Variants in APP observed in about 807,000 individuals in gnomAD.
The protein encoded by APP is amyloid-beta precursor protein.
In APP, 31 loss-of-function variants were observed where a neutral mutation model predicts 101.4. The ratio of observed to expected loss-of-function variants is 0.31; its 90% CI spans 0.23 to 0.41. APP has a LOEUF of 0.41. Among genes scored for constraint, APP ranks in the 10% least tolerant of loss-of-function variants. The pLI is 1.00. For synonymous variants in APP, 366 were observed against 364.4 expected (o/e 1.00, Z -0.05); for missense variants, 839 against 1,003.7 (o/e 0.84, Z 2.22).
intron 1 of APP, among the ~76,000 whole-genome samples, chr21:26,151,211 T>G (rs939641430): frequency 5.9e-5 from 9 of 151,452 alleles, no homozygotes; most frequent in African/African-American, 2.2e-4. Flanking sequence ...TTAACAGCAG[T>G]GAAGTGGCAA....
chr21:26,068,361 CTCTTTT>C (rs1194423821), intron 3 of APP: 1 of 130,916 alleles, frequency 7.6e-6, no homozygotes, highest in Non-Finnish European at 1.7e-5. Flanking sequence ...CTGCCACATT[CTCTTTT>C]TTTTTTTTTT....
At chr21:26,107,846 T>C (rs535049358) in intron 2 of APP, among the ~76,000 whole-genome samples, 73 of 152,318 alleles carry the variant, frequency 4.8e-4, no homozygotes, top group Middle Eastern at 6.8e-3. Flanking sequence ...AGGCCCTGTG[T>C]TCTGTTCATC....
chr21:26,032,520 C>A lies in APP; in HGVS notation c.663-10478G>T, dbSNP rs1456203063. Among the ~76,000 whole-genome samples the A allele has an allele frequency of 2.6e-5, 4 of 152,122 alleles. No individual in the cohort carries two copies. In the East Asian group the frequency reaches 7.7e-4, roughly 29 times the overall value. ...CTCCAATGTGACTATGAACATGTCA[C>A]TTAGGCTGCTGTGACTTGGTTTCCT... On this transcript the variant is annotated intron_variant, in intron 5 of 17. Transcript: ENST00000346798.
At chr21:25,952,488 G>A (rs1483586105) in intron 13 of APP, among the ~76,000 whole-genome samples, 4 of 151,612 alleles carry the variant, frequency 2.6e-5, no homozygotes, top group East Asian at 1.9e-4. Context: ...TGGGCATTTC[G>A]TAATATTCAA....
chr21:26,060,678 C>T (rs2145993596), intron 3 of APP, among the ~76,000 whole-genome samples: 1 of 152,240 alleles, frequency 6.6e-6, no homozygotes, highest in East Asian at 1.9e-4. Context: ...TCAGGGAATG[C>T]CTACTTGAAA....
chr21:26,150,284 G>A (rs2063237493), intron 1 of APP, among the ~76,000 whole-genome samples: 1 of 152,026 alleles, frequency 6.6e-6, no homozygotes, highest in African/African-American at 2.4e-5. Context: ...AGAAGATAAG[G>A]GTTATTTCAA....
At chr21:26,022,064 A>G (rs897146701) in intron 5 of APP, 22 bp from the exon 6 acceptor site, 2 of 1,610,854 alleles carry the variant, frequency 1.2e-6, no homozygotes, top group South Asian at 1.1e-5. Context: ...AACACAAATA[A>G]CAGAAAAAGT....
intron 11 of APP, among the ~76,000 whole-genome samples, chr21:25,958,512 C>T (rs1175093014): frequency 6.6e-6 from 1 of 152,026 alleles, no homozygotes. Context: ...CTCCTGACCT[C>T]GTGATCTGCC....
At chr21:25,890,065 G>A (rs1341570540) in intron 17 of APP, among the ~76,000 whole-genome samples, 1 of 152,176 alleles carries the variant, frequency 6.6e-6, no homozygotes, top group Non-Finnish European at 1.5e-5. Flanking sequence ...AGGGACATAA[G>A]CTTAGATACT....
At chr21:26,051,272 A>C in intron 4 of APP, 79 bp from the exon 5 acceptor site, 1 of 1,379,642 alleles carries the variant, frequency 7.2e-7, no homozygotes, top group Non-Finnish European at 1.0e-6. Flanking sequence ...AAAATAATCA[A>C]CATGCAGACC....
Position 25,893,243 on chromosome 21 carries a change from C to T in APP, c.2065-1375G>A, listed in dbSNP as rs865987238. ...CCCCCCAAACTGGCCACTCCACCCC[C>T]TCAACTCCCAGGCTCCCTATCCCTT... On this transcript the variant is annotated intron_variant, in intron 16 of 17. Transcript: ENST00000346798. Among the ~76,000 whole-genome samples the T allele has an allele frequency of 1.2e-4, 19 of 152,270 alleles. 1 individual carries two copies. Among genetic ancestry groups the T allele is most frequent in the African/African-American group, 4.3e-4 (18 of 41,542 alleles).
intron 13 of APP, among the ~76,000 whole-genome samples, chr21:25,917,625 A>G (rs930049045): frequency 6.6e-6 from 1 of 152,242 alleles, no homozygotes; most frequent in Non-Finnish European, 1.5e-5. Context: ...ATGTGTTACA[A>G]GTGTCAGTTA....
chr21:25,909,520 G>C lies in APP; in HGVS notation c.1909+2221C>G, dbSNP rs1471907260. Among the ~76,000 whole-genome samples the C allele has an allele frequency of 3.3e-5, 5 of 149,998 alleles. No individual in the cohort carries two copies. The East Asian group carries it at 9.9e-4, about 30-fold the overall frequency. On this transcript the variant is annotated intron_variant, in intron 14 of 17. Coordinates refer to ENST00000346798, the MANE Select transcript of APP (RefSeq NM_000484.4). ...CTGCGTGTTTGTCAAGTATCCAGAA[G>C]TACTTAATCAAGGGCTTTGCTCAAA...
chr21:26,027,772 C>G (rs2146806582), intron 5 of APP, among the ~76,000 whole-genome samples: 1 of 152,200 alleles, frequency 6.6e-6, no homozygotes, highest in Admixed American at 6.5e-5. Flanking sequence ...GTACTTCTCT[C>G]TAAATAAATC....
intron 3 of APP, chr21:26,067,984 CG>C (rs2046526036): frequency 6.6e-6 from 1 of 151,680 alleles, no homozygotes; most frequent in Non-Finnish European, 1.5e-5. Context: ...AGGTTATATA[CG>C]GGGCTTTTTA....
chr21:25,941,177 T>C (rs540064546), intron 13 of APP: 1 of 152,316 alleles, frequency 6.6e-6, no homozygotes, highest in African/African-American at 2.4e-5. Flanking sequence ...AGATTGGGGA[T>C]GGGCATTATA....
At chr21:26,044,017 T>C (rs1301326627) in intron 5 of APP, among the ~76,000 whole-genome samples, 1 of 152,210 alleles carries the variant, frequency 6.6e-6, no homozygotes, top group Non-Finnish European at 1.5e-5. Context: ...ATCAACTATT[T>C]AAAAACTGTG....
At chr21:25,921,499 A>G (rs975932352) in intron 13 of APP, among the ~76,000 whole-genome samples, 1 of 149,354 alleles carries the variant, frequency 6.7e-6, no homozygotes, top group Non-Finnish European at 1.5e-5. Context: ...TAATAAAGAA[A>G]AAGAGGAGAA....
intron 1 of APP, among the ~76,000 whole-genome samples, chr21:26,131,774 T>A (rs1205994798): frequency 6.6e-6 from 1 of 152,216 alleles, no homozygotes; most frequent in Non-Finnish European, 1.5e-5. Context: ...TTGCACAATA[T>A]GACTGAAAGA....
Sources: allele counts gnomAD v4.1 joint callset (sites outside exome capture counted in the v4.1 genomes callset), GRCh38; gene constraint gnomAD v4.1.1; transcripts MANE v1.5; gene names NCBI Gene and HGNC (gene_info 2026-07-23, HGNC 2026-07-21).